Variants in BRD7 observed in about 807,000 individuals in gnomAD.
BRD7 encodes bromodomain containing 7, also known as bromodomain-containing protein 7.
BRD7 carries 15 observed loss-of-function variants against 82.1 expected under a neutral mutation model. That is an observed-to-expected ratio of 0.18 (90% CI 0.12 to 0.28). The LOEUF (loss-of-function observed/expected upper bound fraction) is 0.28, where lower values mean the gene tolerates loss of function less well. Ranked by LOEUF, BRD7 falls within the 10% of genes least tolerant of loss-of-function variation. BRD7 has a pLI of 1.00. For missense variants in BRD7, 638 were observed against 779.9 expected, an observed-to-expected ratio of 0.82 and a Z score of 2.17; for synonymous variants, 232 against 266.9, an observed-to-expected ratio of 0.87 and a Z score of 1.27.
chr16:50,349,755 G>A, intron 5 of BRD7: 2 of 389,910 alleles, frequency 5.1e-6, no homozygotes, highest in Non-Finnish European at 5.0e-6. Flanking sequence ...TCACTCTAAG[G>A]TTGGAAAAAA....
At position 50,339,903 on chromosome 16, in the gene BRD7, C is replaced by T. The variant is rs914901905; in HGVS notation, c.702+73G>A. ...AAATAAAATCAATACTGTATTGTAT[C>T]TGTATTACTATGGCCAACAAACAGC... On this transcript the variant is annotated intron_variant, in intron 6 of 16. Transcript: ENST00000394688. The T allele has an allele frequency of 7.5e-6, 6 of 800,666 alleles. 1 individual carries two copies. The highest frequency in any genetic ancestry group is 5.6e-5 in the East Asian group (2 of 35,960). 49.6% of individuals were successfully genotyped at this position (800,666 alleles called of 1,614,324 possible). A position where few individuals can be genotyped will look rare whatever the true frequency, so the allele number is the denominator to read the frequency against.
intron 2 of BRD7, among the ~76,000 whole-genome samples, chr16:50,357,985 C>A (rs1050861051): frequency 2.6e-5 from 4 of 151,644 alleles, no homozygotes; most frequent in Non-Finnish European, 5.9e-5. Flanking sequence ...GTCTCAAAAA[C>A]AAAACAAATC....
At chr16:50,364,790 T>C (rs1209613487) in intron 2 of BRD7, among the ~76,000 whole-genome samples, 1 of 152,214 alleles carries the variant, frequency 6.6e-6, no homozygotes, top group Non-Finnish European at 1.5e-5. Flanking sequence ...GTATGGTATA[T>C]CCATATAACT....
At chr16:50,357,015 G>C (rs916017747) in intron 2 of BRD7, among the ~76,000 whole-genome samples, 4 of 152,146 alleles carry the variant, frequency 2.6e-5, no homozygotes. Flanking sequence ...TCACCAGACT[G>C]GCAGCATCAG....
At chr16:50,346,717 G>C (rs1160364430) in intron 5 of BRD7, among the ~76,000 whole-genome samples, 10 of 152,178 alleles carry the variant, frequency 6.6e-5, no homozygotes, top group African/African-American at 2.4e-4. Context: ...ACTAAACCAG[G>C]AAGAAGCTGA....
intron 2 of BRD7, among the ~76,000 whole-genome samples, chr16:50,359,623 CATT>C (rs1477614108): frequency 6.6e-6 from 1 of 151,740 alleles, no homozygotes; most frequent in Non-Finnish European, 1.5e-5. Context: ...TTAAATAACT[CATT>C]AAAAAAAATA....
At chr16:50,351,153 C>A (rs2038506004) in intron 4 of BRD7, among the ~76,000 whole-genome samples, 1 of 152,120 alleles carries the variant, frequency 6.6e-6, no homozygotes, top group Admixed American at 6.5e-5. Flanking sequence ...TGTTGCTAGT[C>A]CCAGTGGTAG....
At chr16:50,366,312 G>C (rs556459929) in intron 2 of BRD7, among the ~76,000 whole-genome samples, 1 of 152,322 alleles carries the variant, frequency 6.6e-6, no homozygotes, top group East Asian at 1.9e-4. Context: ...AGGTGAAGGA[G>C]AGTCCCAGGA....
intron 2 of BRD7, among the ~76,000 whole-genome samples, chr16:50,363,669 G>GCA (rs2039025214): frequency 1.6e-5 from 1 of 61,230 alleles, no homozygotes; most frequent in Non-Finnish European, 5.7e-5. Flanking sequence ...GTGCGCGCGC[G>GCA]CGCGTGCGCG....
chr16:50,339,140 C>CT (rs1187495193), intron 6 of BRD7, among the ~76,000 whole-genome samples: 1 of 152,268 alleles, frequency 6.6e-6, no homozygotes, highest in Non-Finnish European at 1.5e-5. Context: ...GCACACACTT[C>CT]TCTGACCTCA....
chr16:50,325,561 G>A (rs565393714), intron 11 of BRD7, among the ~76,000 whole-genome samples, 187 bp downstream of exon 11: 1 of 151,868 alleles, frequency 6.6e-6, no homozygotes, highest in South Asian at 2.1e-4. Context: ...CTACTATCAG[G>A]GAGACATGCT....
Position 50,368,186 on chromosome 16 carries a change from A to T in BRD7, c.162T>A (p.Asp54Glu), listed in dbSNP as rs772752642. The T allele has an allele frequency of 1.4e-5, 22 of 1,613,850 alleles. No homozygotes were observed. The highest frequency in any genetic ancestry group is 1.9e-5 in the Non-Finnish European group (22 of 1,179,966). Reference protein sequence around the residue: ...HDSSLFEDKNDHDKHKDRKRK... With the variant: ...HDSSLFEDKNEHDKHKDRKRK... Reference sequence around the variant, plus strand: ...GCTTTCTGTCCTTGTGTTTGTCATGATCGTTTTTGTCTTCGAAGAGGCTGG... The same window carrying T: ...GCTTTCTGTCCTTGTGTTTGTCATGTTCGTTTTTGTCTTCGAAGAGGCTGG... Residue 54 changes from aspartate (D) to glutamate (E), a missense_variant, in exon 2 of 17, where the codon GAT (aspartate) becomes GAA (glutamate). Around this residue, in one of 3 missense-constraint regions of BRD7, gnomAD observed 172 missense variants for 155.3 expected, o/e 1.11. Coordinates refer to ENST00000394688, the MANE Select transcript of BRD7 (RefSeq NM_013263.5).
At chr16:50,322,125 C>A in intron 12 of BRD7, 87 bp from the exon 13 acceptor site, 2 of 1,108,708 alleles carry the variant, frequency 1.8e-6, no homozygotes, top group Non-Finnish European at 1.3e-6. Flanking sequence ...AGTTTCTTGG[C>A]AAGAGAAAAT....
chr16:50,354,763 T>C (rs2038668586), intron 3 of BRD7, 30 bp downstream of exon 3: 1 of 1,601,496 alleles, frequency 6.2e-7, no homozygotes, highest in Non-Finnish European at 8.5e-7. Flanking sequence ...GCCTCCTCAT[T>C]CAGGATAGTT....
chr16:50,354,128 T>C (rs183882352), intron 4 of BRD7, among the ~76,000 whole-genome samples: 2 of 152,218 alleles, frequency 1.3e-5, no homozygotes, highest in Non-Finnish European at 2.9e-5. Flanking sequence ...ATTAGCAAAG[T>C]GGAAATATCT....
chr16:50,363,653 G>GTGTGTGTA (rs1170598842), intron 2 of BRD7, among the ~76,000 whole-genome samples: 1 of 92,772 alleles, frequency 1.1e-5, no homozygotes, highest in Non-Finnish European at 2.5e-5. Flanking sequence ...GTGTGTGTGT[G>GTGTGTGTA]TGTGTGTGCG....
At position 50,319,880 on chromosome 16, in the gene BRD7, C is replaced by T; in HGVS notation, c.1900+7G>A. 6.2e-7 allele frequency: 1 copy of T among 1,610,662 alleles called. No homozygotes were observed. Among genetic ancestry groups the T allele is most frequent in the Non-Finnish European group, 8.5e-7 (1 of 1,179,326 alleles). ...TTCTGCTTTCCCAGAGAAAACAGGG[C>T]ACGTACCTTCTGTCAAATCCACAAA... is the stretch of plus-strand genomic sequence containing the variant. On this transcript the variant is annotated splice_region_variant and intron_variant, in intron 16 of 16. Coordinates refer to ENST00000394688, the MANE Select transcript of BRD7 (RefSeq NM_013263.5).
chr16:50,337,178 T>C (rs1350209060), intron 6 of BRD7, among the ~76,000 whole-genome samples: 2 of 152,170 alleles, frequency 1.3e-5, no homozygotes, highest in Non-Finnish European at 2.9e-5. Flanking sequence ...TTGTACTACT[T>C]TGTTTGTACT....
At chr16:50,338,168 C>T (rs1279818578) in intron 6 of BRD7, among the ~76,000 whole-genome samples, 2 of 152,176 alleles carry the variant, frequency 1.3e-5, no homozygotes, top group African/African-American at 4.8e-5. Flanking sequence ...ATTTCCATGT[C>T]TTTAAACCTG....
Sources: allele counts gnomAD v4.1 joint callset (sites outside exome capture counted in the v4.1 genomes callset), GRCh38; gene constraint gnomAD v4.1.1; regional missense constraint gnomAD v4.1.1; transcripts MANE v1.5; gene names NCBI Gene and HGNC (gene_info 2026-07-23, HGNC 2026-07-21).